FHIT: variants seen among roughly 807,000 people sequenced by gnomAD.
FHIT encodes the protein bis(5'-adenosyl)-triphosphatase.
Under a neutral mutation model 17.9 loss-of-function variants are expected in FHIT, and 19 were observed. The ratio of observed to expected loss-of-function variants is 1.06; its 90% CI spans 0.74 to 1.56. The LOEUF (loss-of-function observed/expected upper bound fraction) is 1.56. Ranked by LOEUF, FHIT falls within the 40% of genes most tolerant of loss-of-function variation. The pLI, the probability that FHIT is intolerant of heterozygous loss-of-function variation, is 0.00. For missense variants in FHIT, 248 were observed against 189.2 expected, an observed-to-expected ratio of 1.31 and a Z score of -1.82; for synonymous variants, 81 against 69.7, an observed-to-expected ratio of 1.16 and a Z score of -0.81.
chr3:60,591,623 A>C (rs1553664304), intron 4 of FHIT, among the ~76,000 whole-genome samples: 1 of 152,076 alleles, frequency 6.6e-6, no homozygotes, highest in Admixed American at 6.6e-5. Flanking sequence ...GGCCCTCCCC[A>C]TGTCGTGGAA....
chr3:60,262,355 G>T (rs1374397665), intron 5 of FHIT, among the ~76,000 whole-genome samples: 1 of 151,878 alleles, frequency 6.6e-6, no homozygotes, highest in African/African-American at 2.4e-5. Flanking sequence ...GTACAAATAG[G>T]CCCTGACAAT....
At chr3:61,176,147 T>C (rs2038150245) in intron 2 of FHIT, among the ~76,000 whole-genome samples, 1 of 152,232 alleles carries the variant, frequency 6.6e-6, no homozygotes, top group Non-Finnish European at 1.5e-5. Flanking sequence ...GGGCATCCCA[T>C]GGCCAAGTAC....
intron 4 of FHIT, among the ~76,000 whole-genome samples, chr3:60,668,585 G>A (rs2040436984): frequency 8.8e-6 from 1 of 113,908 alleles, no homozygotes; most frequent in East Asian, 2.7e-4. Context: ...TTTTTGAGAC[G>A]GAATCTCGCT....
At chr3:60,067,392 G>T (rs559499047) in intron 5 of FHIT, among the ~76,000 whole-genome samples, 1 of 152,234 alleles carries the variant, frequency 6.6e-6, no homozygotes, top group East Asian at 1.9e-4. Flanking sequence ...GACTATGAAT[G>T]AATATATATC....
intron 5 of FHIT, among the ~76,000 whole-genome samples, chr3:60,292,173 A>G (rs569227728): frequency 2.0e-5 from 3 of 152,252 alleles, no homozygotes; most frequent in Admixed American, 6.5e-5. Flanking sequence ...ATCACTAGCA[A>G]TGAGAACACC....
chr3:60,271,258 C>A (rs1451715269), intron 5 of FHIT, among the ~76,000 whole-genome samples: 1 of 151,772 alleles, frequency 6.6e-6, no homozygotes, highest in Non-Finnish European at 1.5e-5. Context: ...CAAAAATTAG[C>A]CAGGCATGGT....
intron 5 of FHIT, among the ~76,000 whole-genome samples, chr3:60,149,442 CT>C (rs1437882701): frequency 6.6e-6 from 1 of 151,396 alleles, no homozygotes; most frequent in Non-Finnish European, 1.5e-5. Flanking sequence ...AGGGTTTTGT[CT>C]TTGTCCTTTG....
chr3:61,017,463 G>A (rs2032176767), intron 3 of FHIT, among the ~76,000 whole-genome samples: 1 of 152,188 alleles, frequency 6.6e-6, no homozygotes. Context: ...AACCATGAAG[G>A]CTGGTAACAC....
intron 3 of FHIT, among the ~76,000 whole-genome samples, chr3:60,829,836 A>G (rs1702258725): frequency 6.6e-6 from 1 of 152,206 alleles, no homozygotes; most frequent in Non-Finnish European, 1.5e-5. Context: ...GATTATTTTG[A>G]GAGACTGCAG....
chr3:61,205,081 T>C (rs554030963), intron 1 of FHIT, among the ~76,000 whole-genome samples: 5,642 of 151,476 alleles, frequency 0.037, 146 homozygotes, highest in African/African-American at 0.065. Flanking sequence ...GTTTGGTGTT[T>C]TGTCCTTGTG....
At chr3:60,205,205 CTGGACATAATGAATTAGATTTA>C (rs1703116955) in intron 5 of FHIT, among the ~76,000 whole-genome samples, 1 of 152,088 alleles carries the variant, frequency 6.6e-6, no homozygotes. Context: ...GTTACCGCCA[CTGGACATAATGAATTAGATTTA>C]TACAGTAGCC....
rs150499006 is a variant in FHIT at position 61,090,544 on chromosome 3, G to A, written c.-163-48445C>T. On this transcript the variant is annotated intron_variant, in intron 2 of 9. Coordinates refer to ENST00000492590, the MANE Select transcript of FHIT (RefSeq NM_002012.4). ...AGAGATGTTTATCCAAATTCACCAC[G>A]GAGTCAATGGGCCAAATTCCAAATG... Among the ~76,000 whole-genome samples the A allele has an allele frequency of 8.6e-3, 1,313 of 152,266 alleles. 17 individuals are homozygous for A. Among genetic ancestry groups the A allele is most frequent in the African/African-American group, 0.027 (1,135 of 41,546 alleles).
At chr3:59,918,883 G>C (rs1705268498) in intron 8 of FHIT, among the ~76,000 whole-genome samples, 1 of 152,156 alleles carries the variant, frequency 6.6e-6, no homozygotes, top group African/African-American at 2.4e-5. Context: ...CACATGTGAA[G>C]AGGCAAGCAA....
Position 60,396,333 on chromosome 3 carries a change from T to C in FHIT, c.103+140527A>G, listed in dbSNP as rs186410765. On this transcript the variant is annotated intron_variant, in intron 5 of 9. Coordinates refer to ENST00000492590, the MANE Select transcript of FHIT (RefSeq NM_002012.4). ...ATCTAGAGAAAACAGCTATATAACG[T>C]TAGGGGAAGGAGTAAATCCCCTTGT... Among the ~76,000 whole-genome samples, 113 of 152,324 alleles carry C rather than the reference T, an allele frequency of 7.4e-4. 5 individuals are homozygous for C. The East Asian group carries it at 0.012, about 16-fold the overall frequency.
At chr3:60,085,600 C>T (rs1337363802) in intron 5 of FHIT, among the ~76,000 whole-genome samples, 1 of 152,160 alleles carries the variant, frequency 6.6e-6, no homozygotes, top group African/African-American at 2.4e-5. Flanking sequence ...AAGTTGAATG[C>T]CACTTGTTGT....
At chr3:60,458,604 A>G (rs1185154433) in intron 5 of FHIT, among the ~76,000 whole-genome samples, 1 of 151,798 alleles carries the variant, frequency 6.6e-6, no homozygotes, top group African/African-American at 2.4e-5. Context: ...TAATAATAAT[A>G]AAAGAAATCA....
intron 4 of FHIT, among the ~76,000 whole-genome samples, chr3:60,601,101 C>T (rs17063617): frequency 3.3e-5 from 5 of 152,160 alleles, no homozygotes; most frequent in Admixed American, 2.6e-4. Context: ...AGTGACAGAA[C>T]CTTTGAAAGC....
At chr3:60,939,344 G>C (rs1461428325) in intron 3 of FHIT, among the ~76,000 whole-genome samples, 1 of 152,096 alleles carries the variant, frequency 6.6e-6, no homozygotes, top group African/African-American at 2.4e-5. Context: ...GTCTAAGGTT[G>C]CTCTCATCAT....
In FHIT at chr3:60,347,677, G is replaced by GT. The variant is rs68175233; in HGVS notation, c.103+189182_103+189183insA. Among the ~76,000 whole-genome samples, 14 of 90,274 alleles carry GT rather than the reference G, an allele frequency of 1.6e-4. 1 individual carries two copies. Among genetic ancestry groups the GT allele is most frequent in the African/African-American group, 5.1e-4 (8 of 15,820 alleles). 59.2% of individuals were successfully genotyped at this position (90,274 alleles called of 152,430 possible). Reference sequence around the variant, plus strand: ...CTGTCTTCAGATCACCACTGGTTTGGGGGGGGGGGGGGTTTGTTTTTTGTT... The same window carrying GT: ...CTGTCTTCAGATCACCACTGGTTTGGTGGGGGGGGGGGGTTTGTTTTTTGTT... On this transcript the variant is annotated intron_variant, in intron 5 of 9. Transcript: ENST00000492590.
Sources: allele counts gnomAD v4.1 joint callset (sites outside exome capture counted in the v4.1 genomes callset), GRCh38; gene constraint gnomAD v4.1.1; transcripts MANE v1.5; gene names NCBI Gene and HGNC (gene_info 2026-07-23, HGNC 2026-07-21).